Variants in ZNF333 observed in about 807,000 individuals in gnomAD.
The protein encoded by ZNF333 is zinc finger protein 333.
Under a neutral mutation model 76.1 loss-of-function variants are expected in ZNF333, and 61 were observed. The ratio of observed to expected loss-of-function variants is 0.80; its 90% CI spans 0.65 to 0.99. ZNF333 has a LOEUF of 0.99. Among genes scored for constraint, ZNF333 ranks in the 50% least tolerant of loss-of-function variants. The pLI is 0.00. For missense variants in ZNF333, 717 were observed against 822.4 expected (o/e 0.87, Z 1.57); for synonymous variants, 284 against 305.0 (o/e 0.93, Z 0.72).
rs1276201354 is a variant in ZNF333 at position 14,690,100 on chromosome 19, C to CGCGGT, written c.-88_-87insTGCGG. On this transcript the variant is annotated 5_prime_UTR_variant, in exon 1 of 12. Transcript: ENST00000292530. Reference sequence around the variant, plus strand: ...ACGGCGGCTGAGCTGTGCTGCGCGGCGCGGCGCGGTGCGGCACGGCACGGT... The same window carrying CGCGGT: ...ACGGCGGCTGAGCTGTGCTGCGCGGCGCGGTGCGGCGCGGTGCGGCACGGCACGGT... The CGCGGT allele has an allele frequency of 6.8e-6, 1 of 147,072 alleles. No individual in the cohort carries two copies. The highest frequency in any genetic ancestry group is 1.5e-5 in the Non-Finnish European group (1 of 67,378). The allele number at this position is 147,072 out of a possible 1,614,324, so 9.1% of individuals were successfully genotyped here.
intron 5 of ZNF333, chr19:14,701,497 TGTTGAATGAAG>T: frequency 1.2e-6 from 1 of 840,538 alleles, no homozygotes; most frequent in Admixed American, 6.2e-5. Context: ...CCCCAGTGCT[TGTTGAATGAAG>T]GAAGGAATGG....
At chr19:14,727,320 G>A (rs1299046897) in intron 11 of ZNF333, among the ~76,000 whole-genome samples, 3 of 152,080 alleles carry the variant, frequency 2.0e-5, no homozygotes, top group Non-Finnish European at 4.4e-5. Flanking sequence ...GAGCCACCAA[G>A]CCCGGCCCAA....
intron 5 of ZNF333, 161 bp downstream of exon 5, chr19:14,699,442 C>A (rs969270508): frequency 1.6e-6 from 1 of 610,020 alleles, no homozygotes; most frequent in Non-Finnish European, 2.9e-6. Context: ...TGAATTTGGG[C>A]AAACCCAGAC....
At chr19:14,725,072 C>T (rs1484076691), downstream of ZNF333, among the ~76,000 whole-genome samples, 1 of 152,198 alleles carries the variant, frequency 6.6e-6, no homozygotes. Context: ...CTCTGCTCAG[C>T]TTCTGGCGAG....
At chr19:14,713,088 AG>A (rs1292903073) in intron 7 of ZNF333, among the ~76,000 whole-genome samples, 1 of 152,176 alleles carries the variant, frequency 6.6e-6, no homozygotes, top group Admixed American at 6.6e-5. Flanking sequence ...TCTTCATGTC[AG>A]TCATCTACAG....
At position 14,720,465 on chromosome 19, in the gene ZNF333, T is replaced by G; in HGVS notation, c.*1140T>G. On this transcript the variant is annotated 3_prime_UTR_variant, in exon 12 of 12. Coordinates refer to ENST00000292530, the MANE Select transcript of ZNF333 (RefSeq NM_032433.4). ...GGGTGGCCGGAAGTCATAACCATCT[T>G]GCTTCTGTAATCTAAAAAATATTTA... The G allele has an allele frequency of 1.0e-6, 1 of 985,478 alleles. No individual in the cohort carries two copies. The highest frequency in any genetic ancestry group is 1.2e-6 in the Non-Finnish European group (1 of 829,936). 61.0% of individuals were successfully genotyped at this position (985,478 alleles called of 1,614,324 possible).
intron 1 of ZNF333, among the ~76,000 whole-genome samples, chr19:14,691,034 A>T (rs1001898626): frequency 1.3e-5 from 2 of 152,226 alleles, no homozygotes; most frequent in African/African-American, 4.8e-5. Context: ...CGGAGGTTGC[A>T]GTGAGCTGAG....
In ZNF333 at chr19:14,731,100, C is replaced by A. The variant is rs1007097547; in HGVS notation, c.901-75C>A. On this transcript the variant is annotated intron_variant, in intron 11 of 11. Transcript: ENST00000540689. ...CACCGCCCCTCCTGCCCCCTCCCCCCAAGGATTGGCCCCTTTATTCATTCA... is the reference window on the plus strand; with the variant it reads ...CACCGCCCCTCCTGCCCCCTCCCCCAAAGGATTGGCCCCTTTATTCATTCA... The A allele has an allele frequency of 3.6e-6, 5 of 1,377,294 alleles. No individual in the cohort carries two copies. In the East Asian group the frequency reaches 1.2e-4, roughly 34 times the overall value. 85.3% of individuals were successfully genotyped at this position (1,377,294 alleles called of 1,614,324 possible).
chr19:14,708,392 A>C, intron 7 of ZNF333: 1 of 401,248 alleles, frequency 2.5e-6, no homozygotes. Context: ...CAAAGAAAAC[A>C]CCGACCCCTC....
intron 5 of ZNF333, among the ~76,000 whole-genome samples, chr19:14,701,062 C>T (rs907452524): frequency 5.9e-5 from 9 of 152,122 alleles, no homozygotes; most frequent in African/African-American, 2.2e-4. Flanking sequence ...CCCTCCTCGC[C>T]CTTGGTTTAC....
chr19:14,726,081 T>C (rs2042631302), downstream of ZNF333, among the ~76,000 whole-genome samples: 1 of 152,228 alleles, frequency 6.6e-6, no homozygotes, highest in Non-Finnish European at 1.5e-5. Context: ...GCCTCCTTCA[T>C]GCTTGCAATC....
intron 5 of ZNF333, among the ~76,000 whole-genome samples, chr19:14,702,678 C>T (rs7252661): frequency 0.08 from 12,200 of 152,226 alleles, 732 homozygotes; most frequent in African/African-American, 0.17. Context: ...CTGCTGCATC[C>T]GCAGGGCCTG....
intron 1 of ZNF333, among the ~76,000 whole-genome samples, chr19:14,691,356 G>A (rs1423537651): frequency 6.6e-6 from 1 of 152,152 alleles, no homozygotes; most frequent in African/African-American, 2.4e-5. Flanking sequence ...GAACTTCAGG[G>A]AAAAGACGAT....
chr19:14,697,587 C>T (rs1340524040), intron 4 of ZNF333, among the ~76,000 whole-genome samples: 1 of 152,046 alleles, frequency 6.6e-6, no homozygotes, highest in African/African-American at 2.4e-5. Context: ...TCTTGAACTC[C>T]TGGGCTTGGG....
At chr19:14,730,436 CTTCT>C (rs1359516837) in intron 11 of ZNF333, among the ~76,000 whole-genome samples, 4 of 91,698 alleles carry the variant, frequency 4.4e-5, no homozygotes, top group Non-Finnish European at 1.0e-4. Context: ...TCCTTCCTTC[CTTCT>C]TTCCTTCCTC....
At chr19:14,730,458 C>G (rs989069469) in intron 11 of ZNF333, among the ~76,000 whole-genome samples, 46 of 89,352 alleles carry the variant, frequency 5.1e-4, no homozygotes, top group Middle Eastern at 6.1e-3. Flanking sequence ...CTCCCTTCCT[C>G]TCTTTCTTTC....
chr19:14,712,242 C>G (rs1336138103), intron 7 of ZNF333, among the ~76,000 whole-genome samples: 1 of 150,592 alleles, frequency 6.6e-6, no homozygotes, highest in Non-Finnish European at 1.5e-5. Context: ...TTTTTTAAGA[C>G]ATAGTCTTGC....
At chr19:14,690,617 AATTG>A (rs1209280803) in intron 1 of ZNF333, among the ~76,000 whole-genome samples, 2 of 152,210 alleles carry the variant, frequency 1.3e-5, no homozygotes, top group Non-Finnish European at 1.5e-5. Context: ...AAACTGGTTT[AATTG>A]ATTGGCCAAA....
chr19:14,731,214 C>G, exon 12 of ZNF333: 1 of 1,532,296 alleles, frequency 6.5e-7, no homozygotes, highest in Non-Finnish European at 8.7e-7. Flanking sequence ...ATCCAGTACT[C>G]TCTTGCATGT....
Sources: gnomAD v4.1 joint callset for allele counts (sites outside exome capture counted in the v4.1 genomes callset) on GRCh38, gnomAD v4.1.1 for gene constraint, MANE v1.5 for transcripts, NCBI Gene and HGNC (gene_info 2026-07-23, HGNC 2026-07-21) for gene names.